CACNA2D2: variants seen among roughly 807,000 people sequenced by gnomAD.
The protein encoded by CACNA2D2 is calcium voltage-gated channel auxiliary subunit alpha2delta 2, also known as voltage-dependent calcium channel subunit alpha-2/delta-2.
CACNA2D2 carries 48 observed loss-of-function variants against 166.4 expected under a neutral mutation model. The observed-to-expected ratio is 0.29, with a 90% CI of 0.23 to 0.37. The LOEUF is 0.37. Among genes scored for constraint, CACNA2D2 ranks in the 10% least tolerant of loss-of-function variants. The probability of loss-of-function intolerance (pLI) is 1.00; values close to 1 mark genes in which losing one functional copy is unlikely to be tolerated. For missense variants in CACNA2D2, 1,122 were observed against 1,433.0 expected (o/e 0.78, Z 3.50); for synonymous variants, 561 against 573.7 (o/e 0.98, Z 0.32).
rs1209373838 is a variant in CACNA2D2, at chr3:50,463,578, G to A, written c.288+12540C>T. Among the ~76,000 whole-genome samples the A allele has an allele frequency of 2.0e-5, 3 of 152,176 alleles. No individual in the cohort carries two copies. The South Asian group carries it at 6.2e-4, about 31-fold the overall frequency. The stretch of plus-strand genomic sequence containing the variant: ...TGTACACACCTCTGTTTAAAGCTGT[G>A]CCATTTCACCCTGACCAACAGACAG... On this transcript the variant is annotated intron_variant, in intron 2 of 37. Transcript: ENST00000424201.
chr3:50,494,084 C>G (rs1698628413), intron 1 of CACNA2D2, among the ~76,000 whole-genome samples: 1 of 152,200 alleles, frequency 6.6e-6, no homozygotes, highest in Admixed American at 6.5e-5. Context: ...GACACTCCAG[C>G]AAGCCTGGCG....
chr3:50,413,842 G>A (rs1219619869), intron 3 of CACNA2D2, among the ~76,000 whole-genome samples: 8 of 109,724 alleles, frequency 7.3e-5, no homozygotes, highest in African/African-American at 1.5e-4. Flanking sequence ...TTGAGACTCC[G>A]TCTCAAAAAA....
At position 50,364,411 on chromosome 3, in the gene CACNA2D2, A is replaced by G; in HGVS notation, c.*255T>C. On this transcript the variant is annotated 3_prime_UTR_variant, in exon 38 of 38. Coordinates refer to ENST00000424201, the MANE Select transcript of CACNA2D2 (RefSeq NM_006030.4). ...CTCCCTGTCCCATCCCACTGGGGGG[A>G]GCCCAGCAGGCAAGAAGGGTCTGGG... The G allele has an allele frequency of 2.1e-6, 1 of 478,466 alleles. No individual in the cohort carries two copies. Among genetic ancestry groups the G allele is most frequent in the South Asian group, 4.0e-5 (1 of 24,988 alleles). 29.6% of individuals were successfully genotyped at this position (478,466 alleles called of 1,614,324 possible).
intron 3 of CACNA2D2, among the ~76,000 whole-genome samples, chr3:50,411,071 G>C (rs1430267449): frequency 6.6e-6 from 1 of 152,188 alleles, no homozygotes; most frequent in Non-Finnish European, 1.5e-5. Context: ...TTGGGGCTGT[G>C]TGTGGGGTGG....
chr3:50,438,433 G>A (rs933192693), intron 2 of CACNA2D2, among the ~76,000 whole-genome samples: 4 of 152,188 alleles, frequency 2.6e-5, no homozygotes, highest in Admixed American at 1.3e-4. Flanking sequence ...TCACAGGGCC[G>A]TGGGGGCTGA....
In CACNA2D2 at chr3:50,376,065, C is replaced by T. The variant is rs1218465207; in HGVS notation, c.1702-31G>A. On this transcript the variant is annotated intron_variant, in intron 18 of 37. Transcript: ENST00000424201. The surrounding 1 kb of genome is among the most constrained non-coding windows in gnomAD (Gnocchi z 4.3). The stretch of plus-strand genomic sequence containing the variant: ...GGAGGCAGGGTGGGAAGTCAGAAGT[C>T]CCCATTGTGGAAGGTTTGCCCACCC... The T allele has an allele frequency of 2.5e-6, 4 of 1,613,238 alleles. No homozygotes were observed. The highest frequency in any genetic ancestry group is 3.4e-6 in the Non-Finnish European group (4 of 1,179,986).
At chr3:50,397,579 C>T (rs1232851992) in intron 3 of CACNA2D2, among the ~76,000 whole-genome samples, 1 of 152,186 alleles carries the variant, frequency 6.6e-6, no homozygotes, top group Non-Finnish European at 1.5e-5. Context: ...CCACTCTGGT[C>T]CTCAACATCC....
Position 50,363,365 on chromosome 3 carries a change from T to C in CACNA2D2, c.*1301A>G. 5.0e-6 allele frequency: 2 copies of C among 398,100 alleles called. No individual in the cohort carries two copies. The highest frequency in any genetic ancestry group is 8.9e-6 in the Non-Finnish European group (2 of 225,978). 24.7% of individuals were successfully genotyped at this position (398,100 alleles called of 1,614,324 possible). On this transcript the variant is annotated 3_prime_UTR_variant, in exon 38 of 38. Transcript: ENST00000424201. The stretch of plus-strand genomic sequence containing the variant: ...TCCCAGTCCATCTGAGCCCCATCAC[T>C]ATATCCCCTTGCCCTCAGTTCCCCA...
intron 2 of CACNA2D2, among the ~76,000 whole-genome samples, chr3:50,474,840 G>A (rs1447507432): frequency 6.6e-6 from 1 of 152,134 alleles, no homozygotes; most frequent in Non-Finnish European, 1.5e-5. Flanking sequence ...TTTTTCTACA[G>A]CACTTTCTCT....
At chr3:50,476,918 T>C (rs1391771221) in intron 1 of CACNA2D2, among the ~76,000 whole-genome samples, 1 of 150,440 alleles carries the variant, frequency 6.6e-6, no homozygotes, top group East Asian at 2.0e-4. Flanking sequence ...GATTGCTCTT[T>C]GTTTCTTTTT....
chr3:50,444,236 C>A (rs764939120), intron 2 of CACNA2D2, among the ~76,000 whole-genome samples: 1 of 152,118 alleles, frequency 6.6e-6, no homozygotes, highest in Non-Finnish European at 1.5e-5. Context: ...ACAAGGGCAC[C>A]CTGGAGGTGG....
intron 3 of CACNA2D2, among the ~76,000 whole-genome samples, chr3:50,414,610 C>T (rs529749292): frequency 1.4e-4 from 21 of 152,342 alleles, no homozygotes; most frequent in Non-Finnish European, 2.1e-4. Context: ...GCCCTGTTGA[C>T]AGATGCCGCC....
chr3:50,411,313 G>A (rs1338779906), intron 3 of CACNA2D2, among the ~76,000 whole-genome samples: 1 of 152,238 alleles, frequency 6.6e-6, no homozygotes, highest in East Asian at 1.9e-4. Context: ...AAAGGAAAGG[G>A]CCTCAGTCTC....
At chr3:50,405,732 C>G (rs899961210) in intron 3 of CACNA2D2, among the ~76,000 whole-genome samples, 4 of 151,256 alleles carry the variant, frequency 2.6e-5, no homozygotes, top group Admixed American at 6.6e-5. Flanking sequence ...GGCCCACTGG[C>G]CCCCCCATAC....
chr3:50,482,362 GAGTGTACTGAGTGTACAGTACCT>G (rs1179502154), intron 1 of CACNA2D2, among the ~76,000 whole-genome samples: 2 of 152,210 alleles, frequency 1.3e-5, no homozygotes, highest in African/African-American at 4.8e-5. Flanking sequence ...CCTAGTGCCT[GAGTGTACTGAGTGTACAGTACCT>G]AGTGTACTGA....
rs1704012484 is a variant in CACNA2D2 at position 50,362,991 on chromosome 3, T to A, written c.*1675A>T. 2.5e-6 allele frequency: 1 copy of A among 397,532 alleles called. No individual in the cohort carries two copies. The highest frequency in any genetic ancestry group is 3.6e-5 in the East Asian group (1 of 28,062). The allele number at this position is 397,532 out of a possible 1,614,324, so 24.6% of individuals were successfully genotyped here. On this transcript the variant is annotated 3_prime_UTR_variant, in exon 38 of 38. Coordinates refer to ENST00000424201, the MANE Select transcript of CACNA2D2 (RefSeq NM_006030.4). The stretch of plus-strand genomic sequence containing the variant: ...CAGAGAAAAGGAAATGGCCCCCCAG[T>A]CCCCCAGCCCAAGGTGAGGGGCAGC...
In CACNA2D2 at chr3:50,370,428, G is replaced by A. The variant is rs1269861852; in HGVS notation, c.1985-48C>T. On this transcript the variant is annotated intron_variant, in intron 22 of 37. Transcript: ENST00000424201. The stretch of plus-strand genomic sequence containing the variant: ...TCCGGCGGGGGCTGGGGAGGCTGGA[G>A]GCCGGGGGGCTCAGAGCTGACGGGG... 31 of 878,092 alleles carry A rather than the reference G, an allele frequency of 3.5e-5. No individual in the cohort carries two copies. The African/African-American group carries it at 4.6e-4, about 13-fold the overall frequency. 54.4% of individuals were successfully genotyped at this position (878,092 alleles called of 1,614,324 possible). A position where few individuals can be genotyped will look rare whatever the true frequency, so the allele number is the denominator to read the frequency against.
chr3:50,456,818 A>G (rs995713496), intron 2 of CACNA2D2, among the ~76,000 whole-genome samples: 4 of 152,216 alleles, frequency 2.6e-5, no homozygotes, highest in African/African-American at 7.2e-5. Flanking sequence ...CTACCCCTGG[A>G]AAGGTCAGAG....
At chr3:50,489,274 G>A (rs1440321541) in intron 1 of CACNA2D2, among the ~76,000 whole-genome samples, 2 of 152,180 alleles carry the variant, frequency 1.3e-5, no homozygotes, top group South Asian at 2.1e-4. Context: ...GGGCCTTCTA[G>A]ATGGCCCCAT....
Sources: gnomAD v4.1 joint callset for allele counts (sites outside exome capture counted in the v4.1 genomes callset) on GRCh38, gnomAD v4.1.1 for gene constraint, Gnocchi (gnomAD v3.1) non-coding constraint, MANE v1.5 for transcripts, NCBI Gene and HGNC (gene_info 2026-07-23, HGNC 2026-07-21) for gene names.